CEP128: variants seen among roughly 807,000 people sequenced by gnomAD.
CEP128 encodes centrosomal protein 128kDa.
In CEP128, 132 loss-of-function variants were observed where a neutral mutation model predicts 156.7. That is an observed-to-expected ratio of 0.84 (90% confidence interval 0.73 to 0.97). CEP128 has a LOEUF of 0.97. Ranked by LOEUF, CEP128 falls within the 50% of genes least tolerant of loss-of-function variation. CEP128 has a pLI of 0.00. For synonymous variants in CEP128, 469 were observed against 448.9 expected (o/e 1.04, Z -0.57); for missense variants, 1,252 against 1,281.9 (o/e 0.98, Z 0.36).
chr14:80,724,941 T>C (rs1487166008), intron 19 of CEP128, among the ~76,000 whole-genome samples: 1 of 148,168 alleles, frequency 6.7e-6, no homozygotes, highest in African/African-American at 2.5e-5. Context: ...ACTATATATA[T>C]ATATCATACA....
chr14:80,729,058 G>GGGTGT lies in CEP128; in HGVS notation c.2806+14016_2806+14017insACACC, dbSNP rs1898141728. On this transcript the variant is annotated intron_variant, in intron 19 of 24. Transcript: ENST00000555265. ...CCTAGTCCCAGGCTGGGCTGGTGGG[G>GGGTGT]GTGTGTGTGTGTGTGTGTGTGTGTG... Among the ~76,000 whole-genome samples the GGGTGT allele has an allele frequency of 6.9e-4, 72 of 105,060 alleles. 1 individual carries two copies. Among genetic ancestry groups the GGGTGT allele is most frequent in the African/African-American group, 2.9e-3 (57 of 19,980 alleles). 68.9% of individuals were successfully genotyped at this position (105,060 alleles called of 152,430 possible).
intron 8 of CEP128, among the ~76,000 whole-genome samples, chr14:80,869,460 A>G (rs1317702672): frequency 6.6e-6 from 1 of 152,086 alleles, no homozygotes; most frequent in Non-Finnish European, 1.5e-5. Context: ...AGCAGTTCTA[A>G]GAGGGAGTTT....
intron 19 of CEP128, among the ~76,000 whole-genome samples, chr14:80,661,352 A>G (rs974157720): frequency 6.6e-6 from 1 of 152,158 alleles, no homozygotes; most frequent in Non-Finnish European, 1.5e-5. Context: ...TAGATCTTAA[A>G]GCCATCATCA....
At chr14:80,807,555 A>G (rs1276892329) in intron 13 of CEP128, among the ~76,000 whole-genome samples, 1 of 152,222 alleles carries the variant, frequency 6.6e-6, no homozygotes, top group African/African-American at 2.4e-5. Flanking sequence ...CTGAAGACCC[A>G]GCGGGGCTAG....
chr14:80,791,605 G>A (rs1224631386), intron 14 of CEP128, among the ~76,000 whole-genome samples: 1 of 152,144 alleles, frequency 6.6e-6, no homozygotes, highest in Admixed American at 6.5e-5. Flanking sequence ...GCTGACAACA[G>A]AATAATCAAG....
chr14:80,619,646 G>A (rs1235549325), intron 19 of CEP128, among the ~76,000 whole-genome samples: 1 of 149,482 alleles, frequency 6.7e-6, no homozygotes, highest in Non-Finnish European at 1.5e-5. Context: ...AGGTTGCAGC[G>A]AGCTGAGATC....
intron 19 of CEP128, among the ~76,000 whole-genome samples, chr14:80,619,998 G>A (rs796598142): frequency 9.9e-5 from 15 of 152,088 alleles, no homozygotes; most frequent in African/African-American, 3.1e-4. Flanking sequence ...GGTGGTGGGC[G>A]CCTGTAACCC....
chr14:80,925,252 G>A (rs1594853360), intron 2 of CEP128, among the ~76,000 whole-genome samples: 1 of 151,724 alleles, frequency 6.6e-6, no homozygotes, highest in Non-Finnish European at 1.5e-5. Flanking sequence ...GAAAAAAAAT[G>A]CACAGTGAGA....
At chr14:80,834,980 G>A (rs775527819) in intron 12 of CEP128, among the ~76,000 whole-genome samples, 17 of 152,156 alleles carry the variant, frequency 1.1e-4, no homozygotes, top group Admixed American at 2.6e-4. Flanking sequence ...TTTGGGTCAC[G>A]TAGACAGGTC....
chr14:80,755,620 T>C (rs189207177), intron 18 of CEP128, among the ~76,000 whole-genome samples: 1 of 152,226 alleles, frequency 6.6e-6, no homozygotes, highest in East Asian at 1.9e-4. Context: ...GTCCTTCTAA[T>C]ACTGCAAGAC....
At chr14:80,647,611 CA>C (rs529397145) in intron 19 of CEP128, among the ~76,000 whole-genome samples, 222 of 152,064 alleles carry the variant, frequency 1.5e-3, no homozygotes, top group Middle Eastern at 3.4e-3. Flanking sequence ...CAATGGTCTC[CA>C]ACAGGGGAGA....
intron 19 of CEP128, among the ~76,000 whole-genome samples, chr14:80,622,593 A>C (rs1359434184): frequency 3.3e-5 from 5 of 150,428 alleles, no homozygotes; most frequent in Non-Finnish European, 7.4e-5. Context: ...ATCTACAATG[A>C]ACTCAAACAA....
chr14:80,921,414 C>T (rs572387141), intron 2 of CEP128, among the ~76,000 whole-genome samples: 3 of 152,234 alleles, frequency 2.0e-5, no homozygotes, highest in East Asian at 1.9e-4. Context: ...GAAGACAGTC[C>T]TCACCAGTAA....
intron 23 of CEP128, among the ~76,000 whole-genome samples, chr14:80,525,995 G>C (rs1430006365): frequency 3.0e-5 from 2 of 66,868 alleles, no homozygotes. Flanking sequence ...AAAACCTTTA[G>C]CTTTTTTTTA....
At chr14:80,732,765 C>T (rs996268488) in intron 19 of CEP128, among the ~76,000 whole-genome samples, 5 of 151,968 alleles carry the variant, frequency 3.3e-5, no homozygotes, top group African/African-American at 9.7e-5. Flanking sequence ...AAGAGTGTTC[C>T]TGCCTGGAAA....
At chr14:80,945,170 T>C (rs761971384), upstream of CEP128, among the ~76,000 whole-genome samples, 1 of 152,220 alleles carries the variant, frequency 6.6e-6, no homozygotes. Context: ...TCTCTGTCTT[T>C]GGCTTGCAGA....
At position 80,741,884 on chromosome 14, in the gene CEP128, C is replaced by T. The variant is rs976166900; in HGVS notation, c.2806+1191G>A. Among the ~76,000 whole-genome samples the T allele has an allele frequency of 7.9e-5, 12 of 152,114 alleles. No individual in the cohort carries two copies. In the South Asian group the frequency reaches 1.2e-3, roughly 16 times the overall value. Reference sequence around the variant, plus strand: ...AAAAAAAAAAAAGTTTAAATCACTACGCAGATAAATTCTGCAGAAAATCTT... The same window carrying T: ...AAAAAAAAAAAAGTTTAAATCACTATGCAGATAAATTCTGCAGAAAATCTT... On this transcript the variant is annotated intron_variant, in intron 19 of 24. Coordinates refer to ENST00000555265, the MANE Select transcript of CEP128 (RefSeq NM_152446.5).
In CEP128 at chr14:80,765,194, C is replaced by T. The variant is rs930984978; in HGVS notation, c.2377-3581G>A. 2.0e-5 allele frequency among the ~76,000 whole-genome samples: 3 copies of T among 152,172 alleles called. No homozygotes were observed. In the South Asian group the frequency reaches 6.2e-4, roughly 31 times the overall value. On this transcript the variant is annotated intron_variant, in intron 16 of 24. Coordinates refer to ENST00000555265, the MANE Select transcript of CEP128 (RefSeq NM_152446.5). Reference sequence around the variant, plus strand: ...GTCAACAAACATTTGCATGAAATGTCATTACTTTTGTCCCATTCATCTGGT... The same window carrying T: ...GTCAACAAACATTTGCATGAAATGTTATTACTTTTGTCCCATTCATCTGGT...
chr14:80,514,359 C>T (rs1196264518), intron 23 of CEP128, among the ~76,000 whole-genome samples: 1 of 152,084 alleles, frequency 6.6e-6, no homozygotes, highest in Non-Finnish European at 1.5e-5. Context: ...CAAAGTCTGA[C>T]TCTTTTCATC....
Sources: gnomAD v4.1 joint callset for allele counts (sites outside exome capture counted in the v4.1 genomes callset) on GRCh38, gnomAD v4.1.1 for gene constraint, MANE v1.5 for transcripts, NCBI Gene and HGNC (gene_info 2026-07-23, HGNC 2026-07-21) for gene names.